FAT3: variants seen among roughly 807,000 people sequenced by gnomAD.
The protein encoded by FAT3 is FAT atypical cadherin 3, also known as protocadherin Fat 3.
Under a neutral mutation model 310.2 loss-of-function variants are expected in FAT3, and 95 were observed. The ratio of observed to expected loss-of-function variants is 0.31; its 90% CI spans 0.26 to 0.36. The LOEUF is 0.36. Ranked by LOEUF, FAT3 falls within the 10% of genes least tolerant of loss-of-function variation. The probability of loss-of-function intolerance (pLI) is 1.00; values close to 1 mark genes in which losing one functional copy is unlikely to be tolerated. For synonymous variants in FAT3, 2,314 were observed against 2,192.9 expected (o/e 1.06, Z -1.54); for missense variants, 5,408 against 5,715.6 (o/e 0.95, Z 1.74).
At chr11:92,676,265 A>G (rs978195928) in intron 3 of FAT3, among the ~76,000 whole-genome samples, 1 of 152,234 alleles carries the variant, frequency 6.6e-6, no homozygotes. Flanking sequence ...CTTGTCACCT[A>G]TAATGCTTCA....
chr11:92,328,166 C>T (rs921692697), intron 1 of FAT3, among the ~76,000 whole-genome samples: 2 of 152,118 alleles, frequency 1.3e-5, no homozygotes, highest in African/African-American at 4.8e-5. Flanking sequence ...ACTCCCATAC[C>T]TTACCCACTC....
intron 21 of FAT3, among the ~76,000 whole-genome samples, chr11:92,861,262 G>T (rs993468826): frequency 6.6e-6 from 1 of 152,190 alleles, no homozygotes; most frequent in Non-Finnish European, 1.5e-5. Context: ...AACAGGGCTG[G>T]TGGTTGAAAA....
intron 2 of FAT3, among the ~76,000 whole-genome samples, chr11:92,521,911 T>C (rs1953698446): frequency 6.6e-6 from 1 of 152,130 alleles, no homozygotes; most frequent in African/African-American, 2.4e-5. Flanking sequence ...AGATTAGCCC[T>C]TCTGGCTGTT....
At chr11:92,358,383 C>T (rs1449706959) in intron 2 of FAT3, among the ~76,000 whole-genome samples, 4 of 152,102 alleles carry the variant, frequency 2.6e-5, no homozygotes. Flanking sequence ...CTCCTCAATC[C>T]TAATCCATTG....
intron 2 of FAT3, among the ~76,000 whole-genome samples, chr11:92,447,187 ATG>A (rs1951234510): frequency 6.6e-6 from 1 of 150,728 alleles, no homozygotes; most frequent in South Asian, 2.1e-4. Flanking sequence ...GTGTGTGTAT[ATG>A]TGTGTTCATA....
At chr11:92,310,325 A>ACTGT (rs1947264817) in intron 1 of FAT3, among the ~76,000 whole-genome samples, 1 of 152,198 alleles carries the variant, frequency 6.6e-6, no homozygotes, top group Non-Finnish European at 1.5e-5. Context: ...CATTTACATT[A>ACTGT]ATTGGTCAGT....
intron 2 of FAT3, among the ~76,000 whole-genome samples, chr11:92,360,944 C>G (rs191382275): frequency 6.6e-6 from 1 of 152,148 alleles, no homozygotes; most frequent in African/African-American, 2.4e-5. Flanking sequence ...TCCTTCTTTT[C>G]CAGTCCAGCA....
At chr11:92,571,778 C>G (rs760641485) in intron 3 of FAT3, among the ~76,000 whole-genome samples, 3 of 152,178 alleles carry the variant, frequency 2.0e-5, no homozygotes, top group Non-Finnish European at 4.4e-5. Flanking sequence ...ATCTATATCT[C>G]CCTTCTCCTT....
intron 9 of FAT3, among the ~76,000 whole-genome samples, chr11:92,793,886 A>G (rs1221526341): frequency 1.3e-5 from 2 of 152,174 alleles, no homozygotes; most frequent in African/African-American, 4.8e-5. Context: ...GAATGCTAGA[A>G]TGACAGTTTT....
chr11:92,458,870 A>C (rs746502356), intron 2 of FAT3, among the ~76,000 whole-genome samples: 2 of 152,186 alleles, frequency 1.3e-5, no homozygotes, highest in Non-Finnish European at 2.9e-5. Context: ...TTAATCCATT[A>C]ACTTTATTCA....
At chr11:92,889,742 G>A (rs570248033) in intron 26 of FAT3, 114 bp from the exon 27 acceptor site, 17 of 672,538 alleles carry the variant, frequency 2.5e-5, no homozygotes, top group South Asian at 1.8e-4. Context: ...AAACTTAGTC[G>A]TAGCCCACAG....
intron 1 of FAT3, among the ~76,000 whole-genome samples, chr11:92,270,132 T>C (rs1442866966): frequency 6.6e-6 from 1 of 152,094 alleles, no homozygotes; most frequent in African/African-American, 2.4e-5. Context: ...GAGGGTGATG[T>C]CTCTCAGCAG....
intron 7 of FAT3, among the ~76,000 whole-genome samples, chr11:92,783,357 CAAAAAA>C (rs35357267): frequency 1.3e-4 from 6 of 45,072 alleles, no homozygotes; most frequent in African/African-American, 1.0e-4. Context: ...GACTCCATCT[CAAAAAA>C]AAAAAAAAAA....
At chr11:92,766,393 T>C (rs1946312659) in intron 6 of FAT3, among the ~76,000 whole-genome samples, 2 of 152,144 alleles carry the variant, frequency 1.3e-5, no homozygotes. Context: ...CCCATGGCAC[T>C]GCCTGGATAG....
At position 92,646,097 on chromosome 11, in the gene FAT3, A is replaced by G. The variant is rs569400149; in HGVS notation, c.3608-51287A>G. Among the ~76,000 whole-genome samples, 8 of 152,322 alleles carry G rather than the reference A, an allele frequency of 5.3e-5. 1 individual carries two copies. Among genetic ancestry groups the G allele is most frequent in the South Asian group, 2.1e-4 (1 of 4,826 alleles). Reference sequence around the variant, plus strand: ...ACATTTCATTCGATTTCAAGATTCTATAGGAATTCAGGCAGGAATTGGATG... The same window carrying G: ...ACATTTCATTCGATTTCAAGATTCTGTAGGAATTCAGGCAGGAATTGGATG... On this transcript the variant is annotated intron_variant, in intron 3 of 27. Coordinates refer to ENST00000525166, the MANE Select transcript of FAT3 (RefSeq NM_001367949.2).
intron 3 of FAT3, among the ~76,000 whole-genome samples, chr11:92,575,528 A>G (rs1441030508): frequency 6.6e-6 from 1 of 152,146 alleles, no homozygotes. Context: ...CTTGTAAAAG[A>G]ATTGTTTTGT....
intron 18 of FAT3, 61 bp downstream of exon 18, chr11:92,840,820 C>T (rs1591802063): frequency 7.0e-7 from 1 of 1,418,908 alleles, no homozygotes; most frequent in East Asian, 2.4e-5. Flanking sequence ...GTTTCTGTCC[C>T]CTTTGGTGGA....
chr11:92,460,617 A>C (rs1180856310), intron 2 of FAT3, among the ~76,000 whole-genome samples: 2 of 152,232 alleles, frequency 1.3e-5, no homozygotes, highest in Non-Finnish European at 2.9e-5. Flanking sequence ...CTTGCAGCCC[A>C]GTGATACAGA....
intron 4 of FAT3, among the ~76,000 whole-genome samples, chr11:92,722,655 C>G (rs894781905): frequency 6.6e-6 from 1 of 152,238 alleles, no homozygotes; most frequent in African/African-American, 2.4e-5. Flanking sequence ...AGCCCCACCC[C>G]TGCAGCAAAC....
Sources: gnomAD v4.1 joint callset for allele counts (sites outside exome capture counted in the v4.1 genomes callset) on GRCh38, gnomAD v4.1.1 for gene constraint, MANE v1.5 for transcripts, NCBI Gene and HGNC (gene_info 2026-07-23, HGNC 2026-07-21) for gene names.